The following SRRM3 variants were observed in gnomAD, a reference collection of about 807,000 sequenced individuals.
The protein encoded by SRRM3 is serine/arginine repetitive matrix protein 3.
Under a neutral mutation model 66.2 loss-of-function variants are expected in SRRM3, and 27 were observed. The observed-to-expected ratio is 0.41, with a 90% CI of 0.30 to 0.56. The LOEUF is 0.56. Ranked by LOEUF, SRRM3 falls within the 20% of genes least tolerant of loss-of-function variation. The pLI, the probability that SRRM3 is intolerant of heterozygous loss-of-function variation, is 0.32. For missense variants in SRRM3, 918 were observed against 991.9 expected, an observed-to-expected ratio of 0.93 and a Z score of 1.00; for synonymous variants, 391 against 414.9, an observed-to-expected ratio of 0.94 and a Z score of 0.70.
chr7:76,238,067 G>A (rs1801191666), intron 2 of SRRM3, among the ~76,000 whole-genome samples: 1 of 151,730 alleles, frequency 6.6e-6, no homozygotes, highest in Non-Finnish European at 1.5e-5. Flanking sequence ...CTCTTGAATG[G>A]CCCTCCCCCT....
At chr7:76,255,148 C>CTTTCTTTTTTTTTT (rs1447372520) in intron 3 of SRRM3, among the ~76,000 whole-genome samples, 2 of 83,174 alleles carry the variant, frequency 2.4e-5, no homozygotes, top group African/African-American at 1.3e-4. Flanking sequence ...TTCTTTCTTT[C>CTTTCTTTTTTTTTT]TTTTTTTTTT....
At chr7:76,283,390 T>C in intron 14 of SRRM3, 1 of 546,790 alleles carries the variant, frequency 1.8e-6, no homozygotes, top group South Asian at 1.9e-5. Flanking sequence ...GGGGGCTCTG[T>C]ACTTGGGTCT....
rs1563645436 is a variant in SRRM3 at position 76,286,121 on chromosome 7, C to T, written c.*278C>T. 1 of 527,134 alleles carries T rather than the reference C, an allele frequency of 1.9e-6. No individual in the cohort carries two copies. The highest frequency in any genetic ancestry group is 2.8e-5 in the South Asian group (1 of 36,098). 32.7% of individuals were successfully genotyped at this position (527,134 alleles called of 1,614,324 possible). A position where few individuals can be genotyped will look rare whatever the true frequency, so the allele number is the denominator to read the frequency against. The stretch of plus-strand genomic sequence containing the variant: ...AGAGCCGTTACGAACACAGGAATCT[C>T]CCCATCCCCCTTCCTGCTGATGCCA... On this transcript the variant is annotated 3_prime_UTR_variant, in exon 15 of 15. Transcript: ENST00000611745.
intron 1 of SRRM3, among the ~76,000 whole-genome samples, chr7:76,215,394 GTTTTTTTTTTTTTTTTT>G (rs1170079332): frequency 1.1e-5 from 1 of 95,112 alleles, no homozygotes; most frequent in African/African-American, 4.6e-5. Flanking sequence ...GGAGCCCGCA[GTTTTTTTTTTTTTTTTT>G]TTTTTTTTTA....
At chr7:76,267,556 C>A in intron 11 of SRRM3, 121 bp downstream of exon 11, 1 of 745,356 alleles carries the variant, frequency 1.3e-6, no homozygotes, top group Non-Finnish European at 1.8e-6. Context: ...CGGGGGCGGC[C>A]GCTTCCTCCC....
rs1800398688 is a variant in SRRM3, at chr7:76,210,284, AG to A, written c.-40+8222del. Among the ~76,000 whole-genome samples, 3 of 152,170 alleles carry A rather than the reference AG, an allele frequency of 2.0e-5. No homozygotes were observed. The South Asian group carries it at 6.2e-4, about 32-fold the overall frequency. On this transcript the variant is annotated intron_variant, in intron 1 of 14. Coordinates refer to ENST00000611745, the MANE Select transcript of SRRM3 (RefSeq NM_001110199.3). ...ACCCCTTCTCTCATCAGGGCCCCAG[AG>A]GGGGCTTCTGGGGAGGCAGGAAAGC...
At chr7:76,212,464 C>CTTTT (rs1173761653) in intron 1 of SRRM3, among the ~76,000 whole-genome samples, 3 of 98,082 alleles carry the variant, frequency 3.1e-5, no homozygotes, top group Admixed American at 1.1e-4. Flanking sequence ...GCAAGGTCTG[C>CTTTT]TTTTTTTTTT....
intron 3 of SRRM3, among the ~76,000 whole-genome samples, chr7:76,253,037 A>ACCTGTAATCCCAGCTACTCAGGAGGCT (rs1801620589): frequency 6.6e-6 from 1 of 151,576 alleles, no homozygotes; most frequent in Non-Finnish European, 1.5e-5. Flanking sequence ...GGTGGGGGGC[A>ACCTGTAATCCCAGCTACTCAGGAGGCT]CCTGTAATCC....
intron 3 of SRRM3, among the ~76,000 whole-genome samples, chr7:76,259,041 G>C (rs1300088708): frequency 1.7e-4 from 26 of 151,326 alleles, no homozygotes. Flanking sequence ...AGGCGAGATC[G>C]GGCCCCTGCA....
At chr7:76,265,278 C>A in intron 9 of SRRM3, 86 bp from the exon 10 acceptor site, 1 of 917,942 alleles carries the variant, frequency 1.1e-6, no homozygotes, top group Non-Finnish European at 1.6e-6. Context: ...CACTGGGATC[C>A]TGGTGGGAGG....
At chr7:76,267,619 C>A (rs1802106781) in intron 11 of SRRM3, 184 bp downstream of exon 11, 2 of 490,154 alleles carry the variant, frequency 4.1e-6, no homozygotes, top group Non-Finnish European at 6.5e-6. Flanking sequence ...GAGTGCTAGG[C>A]CGTTGCGCCC....
At chr7:76,240,402 C>T (rs947240585) in intron 2 of SRRM3, among the ~76,000 whole-genome samples, 5 of 151,940 alleles carry the variant, frequency 3.3e-5, no homozygotes, top group African/African-American at 4.8e-5. Flanking sequence ...GAGCAGATCA[C>T]GAGGTCAGGA....
rs367906871 is a variant in SRRM3, at chr7:76,283,118, G to T, written c.1733+17G>T. The T allele has an allele frequency of 1.2e-3, 1,670 of 1,412,708 alleles. 1 individual carries two copies. Among genetic ancestry groups the T allele is most frequent in the Admixed American group, 2.0e-3 (73 of 36,792 alleles). 87.5% of individuals were successfully genotyped at this position (1,412,708 alleles called of 1,614,324 possible). A position where few individuals can be genotyped will look rare whatever the true frequency, so the allele number is the denominator to read the frequency against. ...CATCACCAGGTATGGAGGGTCTTGG[G>T]GGGGCCGGTGGCGCAGGGCTGGGGC... On this transcript the variant is annotated intron_variant, in intron 14 of 14. Coordinates refer to ENST00000611745, the MANE Select transcript of SRRM3 (RefSeq NM_001110199.3).
Position 76,286,755 on chromosome 7 carries a change from C to T in SRRM3, c.*912C>T, listed in dbSNP as rs939044287. 3.9e-5 allele frequency: 6 copies of T among 152,442 alleles called. No homozygotes were observed. The highest frequency in any genetic ancestry group is 9.6e-5 in the African/African-American group (4 of 41,554). The allele number at this position is 152,442 out of a possible 1,614,324, so 9.4% of individuals were successfully genotyped here. A position where few individuals can be genotyped will look rare whatever the true frequency, so the allele number is the denominator to read the frequency against. ...CTGTAGGAAAGAGAAAAAGCAAAGT[C>T]GTTCACTGACTGAGTAGCCCCCAGG... On this transcript the variant is annotated 3_prime_UTR_variant, in exon 15 of 15. Transcript: ENST00000611745.
Position 76,235,064 on chromosome 7 carries a change from A to C in SRRM3, c.-3A>C. The C allele has an allele frequency of 6.4e-7, 1 of 1,568,320 alleles. No individual in the cohort carries two copies. The highest frequency in any genetic ancestry group is 8.6e-7 in the Non-Finnish European group (1 of 1,162,006). ...CAGGCCAGCGGCTCCAGGGCCAGCC[A>C]CGATGTCCTCCACCGTGAACAACGG... is the stretch of plus-strand genomic sequence containing the variant. On this transcript the variant is annotated 5_prime_UTR_variant, in exon 2 of 15. Coordinates refer to ENST00000611745, the MANE Select transcript of SRRM3 (RefSeq NM_001110199.3).
Position 76,267,201 on chromosome 7 carries a change from C to T in SRRM3, c.831-57C>T, listed in dbSNP as rs762794503. The T allele has an allele frequency of 2.8e-6, 4 of 1,422,510 alleles. No individual in the cohort carries two copies. The Admixed American group carries it at 1.3e-4, about 46-fold the overall frequency. The allele number at this position is 1,422,510 out of a possible 1,614,324, so 88.1% of individuals were successfully genotyped here. ...AAGGGGGAAAGAGGAGGCGCAACTG[C>T]TTGCAAAGCGGGTGTCCCACGCCGA... On this transcript the variant is annotated intron_variant, in intron 10 of 14. Transcript: ENST00000611745.
At chr7:76,245,203 T>G in intron 2 of SRRM3, among the ~76,000 whole-genome samples, 1 of 152,048 alleles carries the variant, frequency 6.6e-6, no homozygotes, top group East Asian at 1.9e-4. Context: ...CATGTGTTCA[T>G]TTTTTTTAAA....
At chr7:76,259,536 C>T (rs901302112) in intron 3 of SRRM3, among the ~76,000 whole-genome samples, 8 of 150,998 alleles carry the variant, frequency 5.3e-5, no homozygotes, top group African/African-American at 2.0e-4. Context: ...ATGATCCCAC[C>T]GCTGCAACCC....
Position 76,281,674 on chromosome 7 carries a change from G to T in SRRM3, c.1242G>T (p.Ala414=). The T allele has an allele frequency of 2.0e-6, 2 of 991,824 alleles. No individual in the cohort carries two copies. The highest frequency in any genetic ancestry group is 2.4e-6 in the Non-Finnish European group (2 of 834,658). The allele number at this position is 991,824 out of a possible 1,614,324, so 61.4% of individuals were successfully genotyped here. The change falls in exon 12 of 15, where the codon GCG becomes GCT. Residue 414 remains alanine (A), a synonymous_variant. Transcript: ENST00000611745. ...GGGGTCGCCGGCGCCCCCGGCCCGC[G>T]CCCCCCCGGGGCTCGTCGCGCTCGC... ...RRRGRRRPRP[A]PPRGSSRSLS...
Sources: allele counts gnomAD v4.1 joint callset (sites outside exome capture counted in the v4.1 genomes callset), GRCh38; gene constraint gnomAD v4.1.1; transcripts MANE v1.5; gene names NCBI Gene and HGNC (gene_info 2026-07-23, HGNC 2026-07-21).